SNX29: variants seen among roughly 807,000 people sequenced by gnomAD.
SNX29 encodes sorting nexin 29.
Under a neutral mutation model 102.1 loss-of-function variants are expected in SNX29, and 78 were observed. The ratio of observed to expected loss-of-function variants is 0.76; its 90% CI spans 0.64 to 0.92. The LOEUF (loss-of-function observed/expected upper bound fraction) is 0.92. Among genes scored for constraint, SNX29 ranks in the 40% least tolerant of loss-of-function variants. The pLI, the probability that SNX29 is intolerant of heterozygous loss-of-function variation, is 0.00. For missense variants in SNX29, 1,280 were observed against 1,061.7 expected, an observed-to-expected ratio of 1.21 and a Z score of -2.86; for synonymous variants, 580 against 414.5, an observed-to-expected ratio of 1.40 and a Z score of -4.85.
intron 3 of SNX29, among the ~76,000 whole-genome samples, chr16:12,024,169 G>A (rs113809390): frequency 2.0e-5 from 3 of 149,204 alleles, no homozygotes; most frequent in Admixed American, 6.7e-5. Flanking sequence ...ACTGAGTTTC[G>A]CTCTTGTTGC....
chr16:12,524,158 C>T (rs2090206479), intron 19 of SNX29, among the ~76,000 whole-genome samples: 1 of 152,152 alleles, frequency 6.6e-6, no homozygotes, highest in South Asian at 2.1e-4. Flanking sequence ...CCCACGCGTC[C>T]TAGTTTTTCA....
intron 20 of SNX29, among the ~76,000 whole-genome samples, chr16:12,552,609 T>TA (rs2078051346): frequency 6.6e-6 from 1 of 151,930 alleles, no homozygotes; most frequent in African/African-American, 2.4e-5. Flanking sequence ...TGGGGATGAC[T>TA]AAAAAAGCAA....
intron 20 of SNX29, among the ~76,000 whole-genome samples, chr16:12,534,143 C>T (rs138003555): frequency 4.8e-4 from 73 of 152,338 alleles, no homozygotes; most frequent in African/African-American, 1.8e-3. Context: ...CAACACCAGG[C>T]CTCAGGGCAG....
chr16:12,541,896 G>T (rs148368606), intron 20 of SNX29, among the ~76,000 whole-genome samples: 1 of 152,158 alleles, frequency 6.6e-6, no homozygotes, highest in Non-Finnish European at 1.5e-5. Context: ...TTATGATGAT[G>T]CAACAGATGT....
chr16:12,062,844 GA>G (rs1596740865), intron 9 of SNX29, among the ~76,000 whole-genome samples: 1 of 152,296 alleles, frequency 6.6e-6, no homozygotes, highest in East Asian at 1.9e-4. Flanking sequence ...GCAGGGCGGG[GA>G]CAGTCACTGG....
At chr16:12,442,589 GTT>G (rs1330837514) in intron 18 of SNX29, among the ~76,000 whole-genome samples, 3 of 142,384 alleles carry the variant, frequency 2.1e-5, no homozygotes, top group Non-Finnish European at 1.5e-5. Context: ...GTGTTTTTTT[GTT>G]TTTTTTTTTT....
rs1171519904 is a variant in SNX29, at chr16:12,086,236, C to A, written c.1402+7321C>A. ...AGCCAGGATGGTCTCAATCTCCTTT[C>A]CTTGTGATCTGCCCGCCTCGGCGTC... On this transcript the variant is annotated intron_variant, in intron 11 of 20. Coordinates refer to ENST00000566228, the MANE Select transcript of SNX29 (RefSeq NM_032167.5). 2.0e-5 allele frequency among the ~76,000 whole-genome samples: 3 copies of A among 152,008 alleles called. No homozygotes were observed. In the East Asian group the frequency reaches 5.8e-4, roughly 29 times the overall value.
intron 17 of SNX29, among the ~76,000 whole-genome samples, chr16:12,400,243 C>A (rs930383370): frequency 6.6e-6 from 1 of 152,222 alleles, no homozygotes; most frequent in Non-Finnish European, 1.5e-5. Context: ...TCGTTCCCAG[C>A]CTTTCCCACT....
chr16:12,162,871 A>G (rs971503507), intron 13 of SNX29, among the ~76,000 whole-genome samples: 3 of 151,778 alleles, frequency 2.0e-5, no homozygotes, highest in South Asian at 2.1e-4. Context: ...ATCACACAAC[A>G]TAGTTGTTGC....
chr16:12,313,969 A>G (rs1285680906), intron 15 of SNX29, among the ~76,000 whole-genome samples: 1 of 152,200 alleles, frequency 6.6e-6, no homozygotes, highest in Non-Finnish European at 1.5e-5. Context: ...TAAGCTAATC[A>G]TTCTTTTGCT....
intron 15 of SNX29, among the ~76,000 whole-genome samples, chr16:12,299,205 CAGG>C (rs2080080801): frequency 6.6e-6 from 1 of 151,954 alleles, no homozygotes; most frequent in African/African-American, 2.4e-5. Context: ...GAGGCTGAGG[CAGG>C]AGAATCGCTG....
Position 12,572,522 on chromosome 16 carries a change from AG to A in SNX29, c.*3894del. The A allele has an allele frequency of 1.9e-6, 2 of 1,064,138 alleles. No individual in the cohort carries two copies. The highest frequency in any genetic ancestry group is 2.3e-6 in the Non-Finnish European group (2 of 878,550). 65.9% of individuals were successfully genotyped at this position (1,064,138 alleles called of 1,614,324 possible). A position where few individuals can be genotyped will look rare whatever the true frequency, so the allele number is the denominator to read the frequency against. On this transcript the variant is annotated 3_prime_UTR_variant, in exon 21 of 21. Coordinates refer to ENST00000566228, the MANE Select transcript of SNX29 (RefSeq NM_032167.5). ...TCGGCCTTCCTGCTCCACGTGCTCA[AG>A]CCCCCACAGGGGGCTGCGACACCAT...
At chr16:12,549,215 G>C (rs2077805572) in intron 20 of SNX29, among the ~76,000 whole-genome samples, 1 of 152,214 alleles carries the variant, frequency 6.6e-6, no homozygotes, top group Non-Finnish European at 1.5e-5. Flanking sequence ...GCTTGTGTCT[G>C]CCAGCCATGG....
In SNX29 at chr16:12,061,586, C is replaced by T. The variant is rs879107450; in HGVS notation, c.1183C>T (p.Leu395=). Residue 395 remains leucine, a synonymous_variant, in exon 9 of 21, where the codon CTG becomes TTG. Transcript: ENST00000566228. ...GCACAGCTGGGCTCCGCTGAAGGTG[C>T]TGCACAATGACTCCGACATCCTCTT... ...QMHSWAPLKV[L]HNDSDILFPV... 1.2e-6 allele frequency: 2 copies of T among 1,611,830 alleles called. No homozygotes were observed. Among genetic ancestry groups the T allele is most frequent in the African/African-American group, 1.3e-5 (1 of 74,898 alleles).
chr16:11,992,115 C>T (rs941526311), intron 1 of SNX29, among the ~76,000 whole-genome samples: 3 of 151,980 alleles, frequency 2.0e-5, no homozygotes, highest in Admixed American at 6.6e-5. Flanking sequence ...GGCAACATAG[C>T]GAGACCCTGT....
At chr16:12,231,549 AC>A (rs1233616397) in intron 14 of SNX29, among the ~76,000 whole-genome samples, 3 of 152,034 alleles carry the variant, frequency 2.0e-5, no homozygotes, top group East Asian at 1.9e-4. Flanking sequence ...AAAACAAAAA[AC>A]AAAAAACAAA....
chr16:12,539,654 A>C (rs2077234634), intron 20 of SNX29, among the ~76,000 whole-genome samples: 1 of 152,180 alleles, frequency 6.6e-6, no homozygotes, highest in South Asian at 2.1e-4. Flanking sequence ...GCATTCCCAC[A>C]GCGTATGAGG....
chr16:12,129,587 C>G (rs1416987421), intron 12 of SNX29, 43 bp from the exon 13 acceptor site: 3 of 1,572,992 alleles, frequency 1.9e-6, no homozygotes, highest in South Asian at 1.2e-5. Context: ...TCAGTGGGGT[C>G]TGGGTTGACA....
At chr16:12,369,602 G>A (rs1352490232) in intron 16 of SNX29, among the ~76,000 whole-genome samples, 1 of 152,168 alleles carries the variant, frequency 6.6e-6, no homozygotes, top group Non-Finnish European at 1.5e-5. Context: ...TCCTAAAAAT[G>A]TGGACCCTCC....
Sources: gnomAD v4.1 joint callset for allele counts (sites outside exome capture counted in the v4.1 genomes callset) on GRCh38, gnomAD v4.1.1 for gene constraint, MANE v1.5 for transcripts, NCBI Gene and HGNC (gene_info 2026-07-23, HGNC 2026-07-21) for gene names.